Variants in EIF3H observed in about 807,000 individuals in gnomAD.
EIF3H encodes the protein eIF-3-gamma.
Under a neutral mutation model 44.2 loss-of-function variants are expected in EIF3H, and 26 were observed. That is an observed-to-expected ratio of 0.59 (90% CI 0.43 to 0.82). The LOEUF is 0.82. Ranked by LOEUF, EIF3H falls within the 40% of genes least tolerant of loss-of-function variation. The pLI is 0.00. For synonymous variants in EIF3H, 166 were observed against 151.9 expected, an observed-to-expected ratio of 1.09 and a Z score of -0.68; for missense variants, 359 against 432.8, an observed-to-expected ratio of 0.83 and a Z score of 1.51.
At chr8:116,712,439 G>T (rs1378653346) in intron 2 of EIF3H, among the ~76,000 whole-genome samples, 1 of 152,118 alleles carries the variant, frequency 6.6e-6, no homozygotes, top group African/African-American at 2.4e-5. Context: ...TGTATATAAG[G>T]GTAAGGAAAG....
chr8:116,735,409 C>A (rs1218319687), intron 1 of EIF3H, among the ~76,000 whole-genome samples: 1 of 152,118 alleles, frequency 6.6e-6, no homozygotes, highest in Non-Finnish European at 1.5e-5. Flanking sequence ...TACCTAGTCC[C>A]AGGAATCTAC....
rs547255172 is a variant in EIF3H, at chr8:116,665,380, T to A, written c.290-6400A>T. On this transcript the variant is annotated intron_variant, in intron 2 of 7. Coordinates refer to ENST00000521861, the MANE Select transcript of EIF3H (RefSeq NM_003756.3). ...AAAATGCTGCATTCTATGTTACTATTTGAGGCTTGTGCCATGACTACTTTG... is the reference window on the plus strand; with the variant it reads ...AAAATGCTGCATTCTATGTTACTATATGAGGCTTGTGCCATGACTACTTTG... 7.9e-5 allele frequency among the ~76,000 whole-genome samples: 12 copies of A among 152,328 alleles called. No individual in the cohort carries two copies. The South Asian group carries it at 2.5e-3, about 32-fold the overall frequency.
At chr8:116,763,198 G>A (rs1169177908) in intron 1 of EIF3H, among the ~76,000 whole-genome samples, 2 of 152,164 alleles carry the variant, frequency 1.3e-5, no homozygotes, top group African/African-American at 2.4e-5. Flanking sequence ...CTACAGGATT[G>A]TTAGGTGAGA....
At chr8:116,650,107 G>A (rs191673434) in intron 5 of EIF3H, among the ~76,000 whole-genome samples, 21 of 152,288 alleles carry the variant, frequency 1.4e-4, no homozygotes, top group Middle Eastern at 3.4e-3. Context: ...CAACTGCAAT[G>A]TGAATGATAT....
chr8:116,657,085 T>C, intron 4 of EIF3H, 130 bp downstream of exon 4: 1 of 740,086 alleles, frequency 1.4e-6, no homozygotes, highest in Non-Finnish European at 2.4e-6. Context: ...GCACTCGGCA[T>C]GCAGAAAACT....
At chr8:116,700,749 G>C (rs1814361253) in intron 2 of EIF3H, among the ~76,000 whole-genome samples, 3 of 152,202 alleles carry the variant, frequency 2.0e-5, no homozygotes, top group Admixed American at 1.3e-4. Context: ...ATTTAGCATG[G>C]TTGGGGTTCA....
In EIF3H at chr8:116,656,007, T is replaced by C; in HGVS notation, c.558-2A>G. The C allele has an allele frequency of 1.2e-6, 2 of 1,612,620 alleles. No homozygotes were observed. The highest frequency in any genetic ancestry group is 1.7e-6 in the Non-Finnish European group (2 of 1,179,384). ...AAGGTGATATTTGCTTTTTTCAATCTGTGAAGCATGTTAAAAATACTTTAG... is the reference window on the plus strand; with the variant it reads ...AAGGTGATATTTGCTTTTTTCAATCCGTGAAGCATGTTAAAAATACTTTAG... On this transcript the variant is annotated splice_acceptor_variant, in intron 4 of 7. Transcript: ENST00000521861. LOFTEE classifies it high-confidence loss of function.
At chr8:116,752,471 C>G (rs1291484118) in intron 1 of EIF3H, among the ~76,000 whole-genome samples, 2 of 151,704 alleles carry the variant, frequency 1.3e-5, no homozygotes, top group Non-Finnish European at 2.9e-5. Flanking sequence ...TTCTCACAAC[C>G]CTTATGAGTT....
intron 2 of EIF3H, 124 bp from the exon 3 acceptor site, chr8:116,659,104 C>A: frequency 1.3e-6 from 1 of 789,422 alleles, no homozygotes; most frequent in Non-Finnish European, 1.9e-6. Context: ...GAACAGGATT[C>A]CAGATTTAAA....
At chr8:116,729,237 AAAC>A (rs1178405735) in intron 1 of EIF3H, among the ~76,000 whole-genome samples, 5 of 152,226 alleles carry the variant, frequency 3.3e-5, no homozygotes, top group African/African-American at 1.2e-4. Context: ...AGTGATTCCT[AAAC>A]AGCTGATTCC....
intron 5 of EIF3H, among the ~76,000 whole-genome samples, chr8:116,649,821 CACTT>C (rs1813360200): frequency 1.3e-5 from 2 of 152,142 alleles, no homozygotes; most frequent in Non-Finnish European, 1.5e-5. Context: ...GGTGAAGAGA[CACTT>C]ACTTTAGATA....
intron 2 of EIF3H, among the ~76,000 whole-genome samples, chr8:116,680,264 C>T (rs1318648012): frequency 6.6e-4 from 32 of 48,308 alleles, no homozygotes; most frequent in African/African-American, 2.0e-3. Context: ...CGCTTCTGCC[C>T]GGCCGCCCCT....
chr8:116,664,649 A>G (rs745359399), intron 2 of EIF3H, among the ~76,000 whole-genome samples: 11 of 152,232 alleles, frequency 7.2e-5, no homozygotes, highest in Non-Finnish European at 1.5e-4. Context: ...GTAGAAAAGT[A>G]AAAATGGAGC....
intron 2 of EIF3H, among the ~76,000 whole-genome samples, chr8:116,694,585 G>A (rs1814235210): frequency 6.6e-6 from 1 of 151,990 alleles, no homozygotes; most frequent in Admixed American, 6.6e-5. Context: ...ATTTGTTTTA[G>A]GTATAGACCA....
chr8:116,650,806 C>T (rs1175469311), intron 5 of EIF3H, among the ~76,000 whole-genome samples: 1 of 152,184 alleles, frequency 6.6e-6, no homozygotes, highest in Non-Finnish European at 1.5e-5. Flanking sequence ...GCCACCACAC[C>T]TGGCTGGATT....
chr8:116,728,602 A>G (rs10094452), intron 1 of EIF3H, among the ~76,000 whole-genome samples: 83,943 of 151,866 alleles, frequency 0.55, 24,951 homozygotes, highest in Non-Finnish European at 0.67. Flanking sequence ...TCAGCAGGGA[A>G]AAGAGCTCAA....
chr8:116,759,812 C>G (rs1815500566), upstream of EIF3H, among the ~76,000 whole-genome samples: 2 of 152,114 alleles, frequency 1.3e-5, no homozygotes, highest in African/African-American at 4.8e-5. Flanking sequence ...TCACAGCAGC[C>G]TCAACCTCCC....
chr8:116,753,144 T>C (rs891651550), intron 1 of EIF3H, among the ~76,000 whole-genome samples: 14 of 152,108 alleles, frequency 9.2e-5, no homozygotes, highest in Non-Finnish European at 1.6e-4. Flanking sequence ...ACCTTGCAAC[T>C]GCAATATAAT....
rs1423214522 is a variant in EIF3H, at chr8:116,643,220, A to G, written c.*1786T>C. ...TATATCCCTTCTGTCTAACACAGTC[A>G]CACTCAAATTTGTGTTGACTCCAAT... On this transcript the variant is annotated 3_prime_UTR_variant, in exon 8 of 8. Transcript: ENST00000521861. The G allele has an allele frequency of 6.6e-6, 1 of 152,144 alleles. No homozygotes were observed. The highest frequency in any genetic ancestry group is 1.5e-5 in the Non-Finnish European group (1 of 68,040). The allele number at this position is 152,144 out of a possible 1,614,324, so 9.4% of individuals were successfully genotyped here. A position where few individuals can be genotyped will look rare whatever the true frequency, so the allele number is the denominator to read the frequency against.
Sources: allele counts gnomAD v4.1 joint callset (sites outside exome capture counted in the v4.1 genomes callset), GRCh38; gene constraint gnomAD v4.1.1; transcripts MANE v1.5; gene names NCBI Gene and HGNC (gene_info 2026-07-23, HGNC 2026-07-21).